RFX1: variants seen among roughly 807,000 people sequenced by gnomAD.
RFX1 encodes MHC class II regulatory factor RFX1.
Under a neutral mutation model 119.6 loss-of-function variants are expected in RFX1, and 42 were observed. That is an observed-to-expected ratio of 0.35 (90% CI 0.27 to 0.45). The LOEUF is 0.45. Ranked by LOEUF, RFX1 falls within the 20% of genes least tolerant of loss-of-function variation. The probability of loss-of-function intolerance (pLI) is 1.00; values close to 1 mark genes in which losing one functional copy is unlikely to be tolerated. For synonymous variants in RFX1, 628 were observed against 618.5 expected (o/e 1.02, Z -0.23); for missense variants, 1,118 against 1,368.1 (o/e 0.82, Z 2.88).
chr19:13,963,448 G>T, intron 18 of RFX1, 90 bp downstream of exon 18: 1 of 1,447,606 alleles, frequency 6.9e-7, no homozygotes, highest in Non-Finnish European at 9.3e-7. Flanking sequence ...CAGCCTGCAG[G>T]CTCGGGTCGT....
At chr19:13,970,526 G>T (rs943360974) in intron 9 of RFX1, among the ~76,000 whole-genome samples, 3 of 151,762 alleles carry the variant, frequency 2.0e-5, no homozygotes, top group Non-Finnish European at 4.4e-5. Context: ...ATTAGCTAGT[G>T]TCGTGGTGCA....
chr19:13,984,160 C>T (rs765706092), intron 2 of RFX1, among the ~76,000 whole-genome samples: 1 of 150,570 alleles, frequency 6.6e-6, no homozygotes, highest in African/African-American at 2.5e-5. Context: ...CAGGTACTCA[C>T]GCTGACAGGC....
At chr19:13,973,178 G>T in intron 8 of RFX1, 51 bp from the exon 9 acceptor site, 1 of 887,764 alleles carries the variant, frequency 1.1e-6, no homozygotes, top group Non-Finnish European at 1.7e-6. Context: ...GAACTGGGGG[G>T]CCGAGGGGCA....
Position 13,980,587 on chromosome 19 carries a change from G to T in RFX1, c.724C>A (p.Pro242Thr). 1 of 1,572,590 alleles carries T rather than the reference G, an allele frequency of 6.4e-7. No individual in the cohort carries two copies. The change falls in exon 6 of 21, where the codon CCC becomes ACC. Residue 242 changes from proline to threonine, a missense_variant. Transcript: ENST00000254325. The surrounding 1 kb of genome is among the most constrained non-coding windows in gnomAD (Gnocchi z 5.1). ...TGGCCTGGCACCTCTTGGGTGACGG[G>T]GACACTCTGCTGGACGCCGTGGACC... Reference protein sequence around the residue: ...LQVHGVQQSVPVTQERSVVQA... With the variant: ...LQVHGVQQSVTVTQERSVVQA...
rs766532331 is a variant in RFX1 at position 13,966,767 on chromosome 19, G to C, written c.1733-16C>G. On this transcript the variant is annotated splice_polypyrimidine_tract_variant and intron_variant, in intron 12 of 20. Transcript: ENST00000254325. The surrounding 1 kb of genome is among the most constrained non-coding windows in gnomAD (Gnocchi z 6.3). ...CGAGAGGCATCTAGGGGGCCGGGGG[G>C]AACCGTGAGGCCCTTCATCCCCCTT... 3.2e-6 allele frequency: 5 copies of C among 1,552,778 alleles called. No homozygotes were observed. The Admixed American group carries it at 5.3e-5, about 17-fold the overall frequency.
intron 20 of RFX1, 53 bp downstream of exon 20, chr19:13,962,941 G>A (rs1344804635): frequency 7.1e-6 from 11 of 1,547,274 alleles, no homozygotes; most frequent in African/African-American, 5.5e-5. Context: ...GAGCCCCTCC[G>A]TTGTCCGCCA....
chr19:13,981,635 T>C (rs1373201569), intron 5 of RFX1, among the ~76,000 whole-genome samples: 1 of 151,768 alleles, frequency 6.6e-6, no homozygotes, highest in Non-Finnish European at 1.5e-5. Flanking sequence ...CTGCCTAGAG[T>C]CCCACGAGAG....
chr19:13,996,306 G>A (rs1975015891), intron 1 of RFX1, among the ~76,000 whole-genome samples: 3 of 152,160 alleles, frequency 2.0e-5, no homozygotes, highest in Admixed American at 2.0e-4. Context: ...AAGGCATTTG[G>A]GTCTGAGAGC....
chr19:13,989,774 T>A (rs958145958), intron 2 of RFX1, among the ~76,000 whole-genome samples: 1 of 152,008 alleles, frequency 6.6e-6, no homozygotes, highest in Admixed American at 6.6e-5. Context: ...AATGGACAGT[T>A]GTGAACCTGC....
intron 12 of RFX1, among the ~76,000 whole-genome samples, chr19:13,967,285 G>T (rs1192131588): frequency 6.6e-6 from 1 of 152,110 alleles, no homozygotes; most frequent in Non-Finnish European, 1.5e-5. Flanking sequence ...GGGTTCCAAG[G>T]GTTGCTTGTT....
chr19:14,001,125 C>T (rs963772376), intron 1 of RFX1, among the ~76,000 whole-genome samples: 2 of 152,138 alleles, frequency 1.3e-5, no homozygotes, highest in African/African-American at 2.4e-5. Flanking sequence ...ATGGCCTCGG[C>T]CCCACCTCTT....
In RFX1 at chr19:13,993,691, C is replaced by G. The variant is rs1388073147; in HGVS notation, c.153G>C (p.Gln51His). 6.7e-7 allele frequency: 1 copy of G among 1,494,098 alleles called. No individual in the cohort carries two copies. The highest frequency in any genetic ancestry group is 1.2e-5 in the South Asian group (1 of 80,024). The allele number at this position is 1,494,098 out of a possible 1,614,324, so 92.6% of individuals were successfully genotyped here. ...TCTGCAGCTCGGTGACATATTGGGG[C>G]TGAGGGGTGGCAGCAGCGGTGGGTG... is the stretch of plus-strand genomic sequence containing the variant. The part of the protein sequence containing the change: ...PQPPTAAATP[Q>H]PQYVTELQSP... Residue 51 changes from glutamine to histidine, a missense_variant, in exon 2 of 21, where the codon CAG becomes CAC. Physicochemically the swap from Gln to His is conservative, Grantham distance 24. Transcript: ENST00000254325.
intron 1 of RFX1, among the ~76,000 whole-genome samples, chr19:13,997,398 G>A (rs558390780): frequency 6.6e-6 from 1 of 152,258 alleles, no homozygotes; most frequent in African/African-American, 2.4e-5. Context: ...TGAAATGGGA[G>A]GACGGCTGGC....
chr19:14,000,511 C>T (rs1344682719), intron 1 of RFX1, among the ~76,000 whole-genome samples: 3 of 152,066 alleles, frequency 2.0e-5, no homozygotes, highest in Admixed American at 6.6e-5. Flanking sequence ...CACACATCTC[C>T]TAATGACTGG....
chr19:13,963,331 C>A, intron 18 of RFX1, 56 bp from the exon 19 acceptor site: 1 of 1,551,960 alleles, frequency 6.4e-7, no homozygotes, highest in South Asian at 1.2e-5. Context: ...GACCCCCTCT[C>A]CCCCTCCCCG....
Position 13,965,091 on chromosome 19 carries a change from T to C in RFX1, c.2211+358A>G, listed in dbSNP as rs767548095. Among the ~76,000 whole-genome samples, 5 of 152,236 alleles carry C rather than the reference T, an allele frequency of 3.3e-5. No individual in the cohort carries two copies. Among genetic ancestry groups the C allele is most frequent in the Non-Finnish European group, 5.9e-5 (4 of 68,040 alleles). Reference sequence around the variant, plus strand: ...AAAAGGCAAGTATTATGTTTCCTTATAGATGTTGTTGCCTTTCTTAAAAAG... The same window carrying C: ...AAAAGGCAAGTATTATGTTTCCTTACAGATGTTGTTGCCTTTCTTAAAAAG... On this transcript the variant is annotated intron_variant, in intron 16 of 20. Coordinates refer to ENST00000254325, the MANE Select transcript of RFX1 (RefSeq NM_002918.5). The surrounding 1 kb of genome is among the most constrained non-coding windows in gnomAD (Gnocchi z 4.7).
rs1974116446 is a variant in RFX1, at chr19:13,972,615, G to A, written c.1314+128C>T. The A allele has an allele frequency of 4.4e-6, 3 of 679,128 alleles. No homozygotes were observed. The Admixed American group carries it at 8.8e-5, about 20-fold the overall frequency. The allele number at this position is 679,128 out of a possible 1,614,324, so 42.1% of individuals were successfully genotyped here. On this transcript the variant is annotated intron_variant, in intron 9 of 20. Transcript: ENST00000254325. ...ATTCAATCCCAGGACATCTGCATAT[G>A]TTCTCTTCATTGGGGGCCACACAGG...
chr19:13,968,981 T>G lies in RFX1; in HGVS notation c.1497-87A>C. On this transcript the variant is annotated intron_variant, in intron 10 of 20. Transcript: ENST00000254325. This position sits in a 1 kb window ranked among gnomAD's most constrained non-coding sequence, Gnocchi z 5.5. ...CACCTCACAGCACACCCGTCTCCTC[T>G]CTGTTAGGAGAATGGATAGAGAGAC... 7.1e-7 allele frequency: 1 copy of G among 1,412,072 alleles called. No individual in the cohort carries two copies. Among genetic ancestry groups the G allele is most frequent in the Non-Finnish European group, 9.6e-7 (1 of 1,046,030 alleles). The allele number at this position is 1,412,072 out of a possible 1,614,324, so 87.5% of individuals were successfully genotyped here. A position where few individuals can be genotyped will look rare whatever the true frequency, so the allele number is the denominator to read the frequency against.
chr19:13,981,622 G>C lies in RFX1; in HGVS notation c.621+499C>G, dbSNP rs529953607. 2.0e-5 allele frequency among the ~76,000 whole-genome samples: 3 copies of C among 152,240 alleles called. No individual in the cohort carries two copies. The East Asian group carries it at 5.8e-4, about 29-fold the overall frequency. Reference sequence around the variant, plus strand: ...AAAACAAAACAAAACAAGGCTCAGAGGCCTGCCTAGAGTCCCACGAGAGGA... The same window carrying C: ...AAAACAAAACAAAACAAGGCTCAGACGCCTGCCTAGAGTCCCACGAGAGGA... On this transcript the variant is annotated intron_variant, in intron 5 of 20. Transcript: ENST00000254325.
Sources: gnomAD v4.1 joint callset for allele counts (sites outside exome capture counted in the v4.1 genomes callset) on GRCh38, gnomAD v4.1.1 for gene constraint, Gnocchi (gnomAD v3.1) non-coding constraint, MANE v1.5 for transcripts, NCBI Gene and HGNC (gene_info 2026-07-23, HGNC 2026-07-21) for gene names.